The following RBFOX1 variants were observed in gnomAD, a reference collection of about 807,000 sequenced individuals.
The protein encoded by RBFOX1 is RNA binding fox-1 homolog 1.
A neutral mutation model predicts 57.7 loss-of-function variants in RBFOX1; 8 were observed. That is an observed-to-expected ratio of 0.14 (90% CI 0.08 to 0.25). The LOEUF is 0.25. Among genes scored for constraint, RBFOX1 ranks in the 10% least tolerant of loss-of-function variants. RBFOX1 has a pLI of 1.00. For synonymous variants in RBFOX1, 326 were observed against 222.4 expected (o/e 1.47, Z -4.15); for missense variants, 611 against 548.5 (o/e 1.11, Z -1.14).
At chr16:6,719,891 G>T (rs543703309) in intron 3 of RBFOX1, among the ~76,000 whole-genome samples, 1 of 151,776 alleles carries the variant, frequency 6.6e-6, no homozygotes, top group Admixed American at 6.6e-5. Context: ...TCAGGAGTTC[G>T]AGACCAGCCT....
At chr16:6,883,827 T>C (rs1187971643) in intron 3 of RBFOX1, among the ~76,000 whole-genome samples, 1 of 152,076 alleles carries the variant, frequency 6.6e-6, no homozygotes, top group Non-Finnish European at 1.5e-5. Flanking sequence ...TATTATCTCT[T>C]TTTTCCCCCT....
intron 1 of RBFOX1, among the ~76,000 whole-genome samples, chr16:6,269,844 T>G (rs188494980): frequency 9.2e-5 from 14 of 152,234 alleles, no homozygotes; most frequent in Admixed American, 8.5e-4. Flanking sequence ...TTCTCTGGTG[T>G]TTTCAAAATT....
At chr16:7,495,206 T>G (rs1477472570) in intron 4 of RBFOX1, among the ~76,000 whole-genome samples, 1 of 152,148 alleles carries the variant, frequency 6.6e-6, no homozygotes, top group Non-Finnish European at 1.5e-5. Flanking sequence ...ATTTTCTTTA[T>G]CCAGTCCACC....
intron 3 of RBFOX1, among the ~76,000 whole-genome samples, chr16:5,867,147 T>G (rs1021528670): frequency 7.3e-6 from 1 of 137,532 alleles, no homozygotes; most frequent in African/African-American, 3.1e-5. Flanking sequence ...TGGAAGAAAA[T>G]GCATGTGTGT....
At chr16:6,878,940 T>A (rs1016681737) in intron 3 of RBFOX1, among the ~76,000 whole-genome samples, 1 of 152,084 alleles carries the variant, frequency 6.6e-6, no homozygotes, top group African/African-American at 2.4e-5. Flanking sequence ...TTCCCCTATG[T>A]TAGGGGAGGA....
intron 2 of RBFOX1, among the ~76,000 whole-genome samples, chr16:5,495,010 T>C (rs1224012664): frequency 6.6e-6 from 1 of 152,186 alleles, no homozygotes; most frequent in Non-Finnish European, 1.5e-5. Context: ...AGTGTATTAG[T>C]TCGTTCTCAT....
At chr16:5,322,359 A>C (rs1232731811) in intron 1 of RBFOX1, among the ~76,000 whole-genome samples, 1 of 152,142 alleles carries the variant, frequency 6.6e-6, no homozygotes, top group Admixed American at 6.5e-5. Context: ...GAGATGTTCT[A>C]GGAACTGGCT....
chr16:6,964,177 C>T (rs542296006), intron 3 of RBFOX1, among the ~76,000 whole-genome samples: 12 of 152,160 alleles, frequency 7.9e-5, no homozygotes, highest in African/African-American at 2.4e-4. Flanking sequence ...GCCAACATGC[C>T]TGGCTAATTT....
At chr16:6,615,505 G>T (rs1008986281) in intron 2 of RBFOX1, among the ~76,000 whole-genome samples, 1 of 151,906 alleles carries the variant, frequency 6.6e-6, no homozygotes, top group African/African-American at 2.4e-5. Context: ...AAGGGGCAGA[G>T]GTTGCAGTGA....
At chr16:7,387,535 A>G (rs376685948) in intron 4 of RBFOX1, among the ~76,000 whole-genome samples, 2 of 152,328 alleles carry the variant, frequency 1.3e-5, no homozygotes, top group South Asian at 4.1e-4. Context: ...TTTGCTGGCA[A>G]GAAGAGAGTG....
At chr16:6,817,564 G>T (rs372393264) in intron 3 of RBFOX1, among the ~76,000 whole-genome samples, 6 of 150,514 alleles carry the variant, frequency 4.0e-5, no homozygotes, top group Non-Finnish European at 8.9e-5. Context: ...AATTTAACTG[G>T]ATTTGGTGGC....
intron 4 of RBFOX1, among the ~76,000 whole-genome samples, chr16:7,194,135 C>G (rs938049775): frequency 6.6e-6 from 1 of 152,102 alleles, no homozygotes; most frequent in East Asian, 1.9e-4. Flanking sequence ...ATGAGAAAGT[C>G]TTTATTTGGT....
At chr16:5,428,604 G>A (rs472051) in intron 1 of RBFOX1, among the ~76,000 whole-genome samples, 1 of 151,768 alleles carries the variant, frequency 6.6e-6, no homozygotes, top group Non-Finnish European at 1.5e-5. Context: ...AAGGACTGAC[G>A]TTAGCCGGGG....
At chr16:5,999,867 CAAAAAAAAAAAAAAAAAAAAAAA>C (rs869221577) in intron 4 of RBFOX1, among the ~76,000 whole-genome samples, 1 of 27,664 alleles carries the variant, frequency 3.6e-5, no homozygotes, top group Non-Finnish European at 6.4e-5. Flanking sequence ...GACTCCACCT[CAAAAAAAAAAAAAAAAAAAAAAA>C]AAAAAAAAAA....
At chr16:6,676,713 T>A (rs2057773479) in intron 3 of RBFOX1, among the ~76,000 whole-genome samples, 1 of 147,222 alleles carries the variant, frequency 6.8e-6, no homozygotes, top group Non-Finnish European at 1.5e-5. Flanking sequence ...CTCACTCTTG[T>A]CCCCCAGGCT....
At chr16:6,280,617 G>A (rs754271140) in intron 1 of RBFOX1, among the ~76,000 whole-genome samples, 5 of 152,134 alleles carry the variant, frequency 3.3e-5, no homozygotes, top group African/African-American at 4.8e-5. Flanking sequence ...GAAGGTGGCC[G>A]TGGCATTATT....
At chr16:6,587,838 T>C (rs1223399633) in intron 2 of RBFOX1, among the ~76,000 whole-genome samples, 1 of 152,196 alleles carries the variant, frequency 6.6e-6, no homozygotes, top group Non-Finnish European at 1.5e-5. Context: ...TACTTTCTCT[T>C]TCTACCCTCC....
intron 3 of RBFOX1, among the ~76,000 whole-genome samples, chr16:7,043,301 T>G (rs538047431): frequency 2.0e-5 from 3 of 152,172 alleles, no homozygotes; most frequent in African/African-American, 7.2e-5. Flanking sequence ...TGTATCATCA[T>G]CATTATTTTA....
chr16:5,603,642 A>T (rs1047125518), downstream of RBFOX1, among the ~76,000 whole-genome samples: 2 of 152,190 alleles, frequency 1.3e-5, no homozygotes, highest in Non-Finnish European at 2.9e-5. Context: ...ACTTTCCTTG[A>T]TTATTAGAAA....
Sources: allele counts gnomAD v4.1 joint callset (sites outside exome capture counted in the v4.1 genomes callset), GRCh38; gene constraint gnomAD v4.1.1; transcripts MANE v1.5; gene names NCBI Gene and HGNC (gene_info 2026-07-23, HGNC 2026-07-21).